Variants in TENM2 observed in about 807,000 individuals in gnomAD.
TENM2 encodes teneurin-2.
TENM2 carries 52 observed loss-of-function variants against 245.2 expected under a neutral mutation model. The observed-to-expected ratio is 0.21, with a 90% CI of 0.17 to 0.27. The LOEUF (loss-of-function observed/expected upper bound fraction) is 0.27. Among genes scored for constraint, TENM2 ranks in the 10% least tolerant of loss-of-function variants. The probability of loss-of-function intolerance (pLI) is 1.00; values close to 1 mark genes in which losing one functional copy is unlikely to be tolerated. For missense variants in TENM2, 3,046 were observed against 3,666.8 expected, an observed-to-expected ratio of 0.83 and a Z score of 4.37; for synonymous variants, 1,363 against 1,438.9, an observed-to-expected ratio of 0.95 and a Z score of 1.19.
At chr5:168,248,043 C>T (rs771539075) in exon 27 of TENM2, 3 of 1,613,976 alleles carry the variant, frequency 1.9e-6, no homozygotes, top group East Asian at 2.2e-5. Context: ...ACTATGTTGC[C>T]TCTGATAACA....
chr5:167,626,868 C>T (rs1307551588), intron 2 of TENM2, among the ~76,000 whole-genome samples: 2 of 152,294 alleles, frequency 1.3e-5, no homozygotes, highest in East Asian at 3.9e-4. Context: ...TCCCCAAAGG[C>T]AGTAACACCG....
intron 2 of TENM2, among the ~76,000 whole-genome samples, chr5:167,599,020 T>C (rs1255175522): frequency 6.6e-6 from 1 of 152,190 alleles, no homozygotes; most frequent in East Asian, 1.9e-4. Flanking sequence ...TTAGGCATTC[T>C]TTTGAGCTAT....
chr5:166,995,748 G>C, the TENM2 span, among the ~76,000 whole-genome samples: 1 of 147,738 alleles, frequency 6.8e-6, no homozygotes, highest in Non-Finnish European at 1.5e-5. Flanking sequence ...CCCAGGAGGC[G>C]GAGGTTGCAG....
intron 2 of TENM2, among the ~76,000 whole-genome samples, chr5:167,523,037 G>A (rs1770869103): frequency 6.6e-6 from 1 of 152,080 alleles, no homozygotes; most frequent in South Asian, 2.1e-4. Context: ...TGGCTTGTGG[G>A]CCCATCTCCC....
intron 2 of TENM2, among the ~76,000 whole-genome samples, chr5:167,490,923 A>G (rs192186317): frequency 6.6e-6 from 1 of 152,282 alleles, no homozygotes; most frequent in Admixed American, 6.5e-5. Context: ...TGACAACTCT[A>G]CGTTTCTCAG....
At chr5:167,640,343 C>A (rs919524721) in intron 2 of TENM2, among the ~76,000 whole-genome samples, 1 of 152,118 alleles carries the variant, frequency 6.6e-6, no homozygotes, top group Admixed American at 6.5e-5. Flanking sequence ...TATGGCCGGG[C>A]GCGGTGGTTC....
At chr5:167,962,303 A>G (rs1385721905) in intron 4 of TENM2, among the ~76,000 whole-genome samples, 1 of 152,184 alleles carries the variant, frequency 6.6e-6, no homozygotes, top group East Asian at 1.9e-4. Flanking sequence ...GGAAAAAAAA[A>G]AAAATGAGAC....
intron 12 of TENM2, among the ~76,000 whole-genome samples, chr5:168,147,754 G>T (rs1335294962): frequency 6.6e-6 from 1 of 152,164 alleles, no homozygotes; most frequent in Non-Finnish European, 1.5e-5. Context: ...AAGCAGGCAT[G>T]CACAGCCATA....
At chr5:167,027,804 T>A in the TENM2 span, among the ~76,000 whole-genome samples, 3 of 151,998 alleles carry the variant, frequency 2.0e-5, no homozygotes, top group Non-Finnish European at 4.4e-5. Flanking sequence ...GTGGGCTGGG[T>A]GCGGTGGCTC....
the TENM2 span, among the ~76,000 whole-genome samples, chr5:167,261,375 T>C: frequency 6.6e-6 from 1 of 152,202 alleles, no homozygotes; most frequent in East Asian, 1.9e-4. Context: ...AGAATAGTCA[T>C]TGTTACTCCT....
At chr5:166,994,724 T>A in the TENM2 span, among the ~76,000 whole-genome samples, 224 of 152,298 alleles carry the variant, frequency 1.5e-3, no homozygotes, top group Middle Eastern at 6.8e-3. Flanking sequence ...GCTGTGGATC[T>A]AATTTAGAGA....
chr5:167,590,655 G>T (rs1207850993), intron 2 of TENM2, among the ~76,000 whole-genome samples: 1 of 151,998 alleles, frequency 6.6e-6, no homozygotes, highest in Non-Finnish European at 1.5e-5. Flanking sequence ...GCAGAAAAAT[G>T]GTGCCATGCC....
chr5:167,976,643 A>G (rs1443902382), intron 4 of TENM2, among the ~76,000 whole-genome samples: 1 of 152,228 alleles, frequency 6.6e-6, no homozygotes, highest in East Asian at 1.9e-4. Flanking sequence ...CTTGCCTTCT[A>G]AAATAAAATA....
intron 3 of TENM2, among the ~76,000 whole-genome samples, chr5:167,891,161 TATAG>T (rs1426935846): frequency 3.9e-5 from 6 of 152,258 alleles, no homozygotes; most frequent in Admixed American, 1.3e-4. Flanking sequence ...CATGAAGATA[TATAG>T]ATAGATAGGT....
intron 2 of TENM2, among the ~76,000 whole-genome samples, chr5:167,449,572 A>C (rs1203665208): frequency 1.3e-5 from 2 of 151,794 alleles, no homozygotes; most frequent in Non-Finnish European, 2.9e-5. Flanking sequence ...AGATAGATAA[A>C]GACAGTTTTT....
At chr5:168,066,021 A>T (rs549070222) in intron 7 of TENM2, among the ~76,000 whole-genome samples, 1 of 152,272 alleles carries the variant, frequency 6.6e-6, no homozygotes, top group Non-Finnish European at 1.5e-5. Flanking sequence ...GAGGCCAAGG[A>T]TGCTGCTAAA....
chr5:166,995,896 G>T, the TENM2 span, among the ~76,000 whole-genome samples: 1 of 148,134 alleles, frequency 6.8e-6, no homozygotes, highest in African/African-American at 2.5e-5. Flanking sequence ...GACAGACATT[G>T]AAAAAATACG....
rs181839338 is a variant in TENM2, at chr5:168,121,819, T to C, written c.2009-3031T>C. On this transcript the variant is annotated intron_variant, in intron 10 of 28. Transcript: ENST00000518659. ...ATTTTTGAAGCAATAAGCCACAAGA[T>C]ATTTTTGTGTATATTTTGATTTTTC... Among the ~76,000 whole-genome samples the C allele has an allele frequency of 3.7e-3, 569 of 152,238 alleles. 4 individuals are homozygous for C. The highest frequency in any genetic ancestry group is 0.013 in the African/African-American group (541 of 41,534).
At chr5:168,109,884 GGT>G (rs1794537322) in intron 9 of TENM2, among the ~76,000 whole-genome samples, 1 of 152,098 alleles carries the variant, frequency 6.6e-6, no homozygotes, top group Admixed American at 6.5e-5. Context: ...CACATTATTT[GGT>G]GGCCACGTGC....
Sources: gnomAD v4.1 joint callset for allele counts (sites outside exome capture counted in the v4.1 genomes callset) on GRCh38, gnomAD v4.1.1 for gene constraint, MANE v1.5 for transcripts, NCBI Gene and HGNC (gene_info 2026-07-23, HGNC 2026-07-21) for gene names.